Variants in MACROD2 observed in about 807,000 individuals in gnomAD.
MACROD2 encodes mono-ADP ribosylhydrolase 2.
A neutral mutation model predicts 70.4 loss-of-function variants in MACROD2; 36 were observed. The ratio of observed to expected loss-of-function variants is 0.51; its 90% CI spans 0.39 to 0.68. The LOEUF is 0.68. Among genes scored for constraint, MACROD2 ranks in the 30% least tolerant of loss-of-function variants. The pLI is 0.00. For synonymous variants in MACROD2, 172 were observed against 178.8 expected, an observed-to-expected ratio of 0.96 and a Z score of 0.30; for missense variants, 496 against 538.4, an observed-to-expected ratio of 0.92 and a Z score of 0.78.
At chr20:14,170,424 G>C (rs1345441353) in intron 3 of MACROD2, among the ~76,000 whole-genome samples, 1 of 152,138 alleles carries the variant, frequency 6.6e-6, no homozygotes, top group Non-Finnish European at 1.5e-5. Flanking sequence ...TCTTGTTCCA[G>C]TTCTCAGGGG....
At chr20:14,658,598 T>C (rs1053547224) in intron 4 of MACROD2, among the ~76,000 whole-genome samples, 1 of 152,110 alleles carries the variant, frequency 6.6e-6, no homozygotes, top group East Asian at 1.9e-4. Context: ...ATTTTTCAAA[T>C]TTATGTATTT....
At chr20:14,978,156 A>G (rs765859699) in intron 5 of MACROD2, among the ~76,000 whole-genome samples, 1 of 152,156 alleles carries the variant, frequency 6.6e-6, no homozygotes, top group African/African-American at 2.4e-5. Flanking sequence ...TTTAAATAAC[A>G]TAAGATCAAC....
intron 7 of MACROD2, among the ~76,000 whole-genome samples, chr20:15,458,425 A>C (rs2046759669): frequency 6.6e-6 from 1 of 152,066 alleles, no homozygotes; most frequent in African/African-American, 2.4e-5. Flanking sequence ...CTGAAATATA[A>C]TCCAAGAGTC....
intron 5 of MACROD2, among the ~76,000 whole-genome samples, chr20:15,205,178 C>A (rs969205198): frequency 2.6e-5 from 4 of 152,092 alleles, no homozygotes; most frequent in Non-Finnish European, 5.9e-5. Flanking sequence ...CCGAAGATCA[C>A]CAGATGGTAT....
chr20:16,015,244 T>C (rs1340476301), intron 15 of MACROD2, among the ~76,000 whole-genome samples: 1 of 152,222 alleles, frequency 6.6e-6, no homozygotes, highest in African/African-American at 2.4e-5. Flanking sequence ...AAATACCATG[T>C]GTTAAGTATA....
intron 8 of MACROD2, among the ~76,000 whole-genome samples, chr20:15,689,971 A>G (rs985495109): frequency 6.6e-6 from 1 of 152,208 alleles, no homozygotes; most frequent in Admixed American, 6.5e-5. Flanking sequence ...GCTGATCACA[A>G]TCAGGCTGTG....
chr20:14,254,978 A>G (rs972857407), intron 3 of MACROD2, among the ~76,000 whole-genome samples: 11 of 152,004 alleles, frequency 7.2e-5, no homozygotes, highest in African/African-American at 2.7e-4. Flanking sequence ...TCTGTAAAGT[A>G]TTTTATTTCT....
intron 3 of MACROD2, among the ~76,000 whole-genome samples, chr20:14,476,518 G>A (rs748447185): frequency 1.3e-5 from 2 of 152,096 alleles, no homozygotes; most frequent in Non-Finnish European, 2.9e-5. Flanking sequence ...ACCACGCCCA[G>A]CTAACTTTTT....
At chr20:15,555,622 A>G (rs906444915) in intron 8 of MACROD2, among the ~76,000 whole-genome samples, 3 of 151,970 alleles carry the variant, frequency 2.0e-5, no homozygotes, top group Non-Finnish European at 4.4e-5. Flanking sequence ...TATCTCATTT[A>G]TCTAAAAAAT....
intron 3 of MACROD2, among the ~76,000 whole-genome samples, chr20:14,226,730 T>C (rs1307427965): frequency 2.0e-5 from 3 of 152,204 alleles, no homozygotes; most frequent in Non-Finnish European, 2.9e-5. Context: ...CGCCGGGCCT[T>C]AGCTGCCTTC....
chr20:15,580,451 C>T (rs1256251639), intron 8 of MACROD2, among the ~76,000 whole-genome samples: 2 of 152,168 alleles, frequency 1.3e-5, no homozygotes, highest in Non-Finnish European at 2.9e-5. Flanking sequence ...CAAAAGTCCT[C>T]AGAGAATTAG....
intron 5 of MACROD2, among the ~76,000 whole-genome samples, chr20:15,074,644 A>G (rs2075644564): frequency 6.6e-6 from 1 of 152,186 alleles, no homozygotes; most frequent in Non-Finnish European, 1.5e-5. Context: ...CCAGGTAGAA[A>G]GTATCAGAAC....
chr20:15,350,148 A>G (rs1180936569), intron 6 of MACROD2, among the ~76,000 whole-genome samples: 1 of 152,096 alleles, frequency 6.6e-6, no homozygotes, highest in African/African-American at 2.4e-5. Flanking sequence ...GAGAGTGAAT[A>G]CCTTTGGCTG....
At chr20:14,954,105 A>G (rs2074498285) in intron 5 of MACROD2, among the ~76,000 whole-genome samples, 1 of 152,100 alleles carries the variant, frequency 6.6e-6, no homozygotes, top group South Asian at 2.1e-4. Context: ...CACCTTAAGT[A>G]TAGATTGGTG....
chr20:15,474,769 G>A (rs182372070), intron 7 of MACROD2, among the ~76,000 whole-genome samples: 1 of 152,290 alleles, frequency 6.6e-6, no homozygotes, highest in African/African-American at 2.4e-5. Context: ...TGGGGAGGTT[G>A]TCACCCTTGA....
intron 3 of MACROD2, among the ~76,000 whole-genome samples, chr20:14,237,001 A>G (rs2081880403): frequency 1.3e-5 from 2 of 152,090 alleles, no homozygotes; most frequent in East Asian, 1.9e-4. Context: ...TCTTTATTTT[A>G]TCCTTACTCT....
chr20:15,128,643 A>G (rs781314661), intron 5 of MACROD2, among the ~76,000 whole-genome samples: 1 of 152,080 alleles, frequency 6.6e-6, no homozygotes, highest in African/African-American at 2.4e-5. Context: ...AGAATTATAT[A>G]TACATTATCA....
chr20:15,173,679 C>A (rs1242650434), intron 5 of MACROD2, among the ~76,000 whole-genome samples: 2 of 152,096 alleles, frequency 1.3e-5, no homozygotes, highest in East Asian at 3.9e-4. Context: ...AAGGTTATAG[C>A]TTGATAATTG....
chr20:15,457,055 CT>C (rs67567968), intron 7 of MACROD2, among the ~76,000 whole-genome samples: 7,301 of 132,058 alleles, frequency 0.055, 551 homozygotes, highest in African/African-American at 0.17. Context: ...TTCCTTTCTT[CT>C]TTTTTTTTTT....
Sources: allele counts gnomAD v4.1 joint callset (sites outside exome capture counted in the v4.1 genomes callset), GRCh38; gene constraint gnomAD v4.1.1; transcripts MANE v1.5; gene names NCBI Gene and HGNC (gene_info 2026-07-23, HGNC 2026-07-21).